The following MEP1A variants were observed in gnomAD, a reference collection of about 807,000 sequenced individuals.
The protein encoded by MEP1A is meprin A subunit alpha.
MEP1A carries 68 observed loss-of-function variants against 84.5 expected under a neutral mutation model. The ratio of observed to expected loss-of-function variants is 0.80; its 90% CI spans 0.66 to 0.98. The LOEUF (loss-of-function observed/expected upper bound fraction) is 0.98, where lower values mean the gene tolerates loss of function less well. Ranked by LOEUF, MEP1A falls within the 50% of genes least tolerant of loss-of-function variation. The pLI is 0.00. For missense variants in MEP1A, 887 were observed against 919.9 expected (o/e 0.96, Z 0.46); for synonymous variants, 337 against 336.8 (o/e 1.00, Z -0.01).
chr6:46,811,729 T>C (rs116642208), intron 6 of MEP1A, among the ~76,000 whole-genome samples: 116 of 152,186 alleles, frequency 7.6e-4, no homozygotes, highest in African/African-American at 2.5e-3. Flanking sequence ...ATTAAGATGA[T>C]TATGTGAATT....
At chr6:46,829,682 T>C (rs1768035876) in intron 10 of MEP1A, 111 bp downstream of exon 10, 5 of 758,146 alleles carry the variant, frequency 6.6e-6, no homozygotes, top group Non-Finnish European at 1.2e-5. Flanking sequence ...TCCTCCTCCT[T>C]TTCCTCCACC....
chr6:46,836,793 ATTTTTTT>A (rs71536390), intron 13 of MEP1A, among the ~76,000 whole-genome samples: 1 of 142,092 alleles, frequency 7.0e-6, no homozygotes, highest in South Asian at 2.2e-4. Flanking sequence ...CTGGTCAGGG[ATTTTTTT>A]TTTTTTTTTG....
At chr6:46,808,351 T>C (rs1767413196) in intron 5 of MEP1A, among the ~76,000 whole-genome samples, 1 of 152,080 alleles carries the variant, frequency 6.6e-6, no homozygotes, top group African/African-American at 2.4e-5. Flanking sequence ...TGATATGACA[T>C]TATATGACAT....
chr6:46,807,805 A>G (rs533256692), intron 5 of MEP1A, among the ~76,000 whole-genome samples: 25 of 148,964 alleles, frequency 1.7e-4, no homozygotes, highest in Non-Finnish European at 3.7e-4. Flanking sequence ...GAAAGAAAGA[A>G]AGAAAGAAAG....
chr6:46,802,197 C>T (rs528774371), intron 5 of MEP1A, among the ~76,000 whole-genome samples: 2 of 151,936 alleles, frequency 1.3e-5, no homozygotes, highest in East Asian at 3.9e-4. Context: ...AATATTGAGT[C>T]CTATAATCCA....
chr6:46,830,081 C>G (rs1050083863), intron 10 of MEP1A, among the ~76,000 whole-genome samples: 4 of 151,744 alleles, frequency 2.6e-5, no homozygotes, highest in African/African-American at 9.7e-5. Context: ...AACCCCGTCT[C>G]TACTAAAAAT....
At chr6:46,799,979 A>G (rs951850939) in intron 5 of MEP1A, among the ~76,000 whole-genome samples, 1 of 152,116 alleles carries the variant, frequency 6.6e-6, no homozygotes, top group Non-Finnish European at 1.5e-5. Flanking sequence ...CTCTCAGGAG[A>G]TGTAGATTAT....
chr6:46,838,172 C>T (rs1423457472), intron 13 of MEP1A, among the ~76,000 whole-genome samples: 3 of 151,728 alleles, frequency 2.0e-5, no homozygotes, highest in Admixed American at 6.6e-5. Context: ...GTATTACAGG[C>T]GTATGCCACC....
At chr6:46,828,188 G>T (rs1406074888) in intron 9 of MEP1A, among the ~76,000 whole-genome samples, 1 of 151,458 alleles carries the variant, frequency 6.6e-6, no homozygotes, top group South Asian at 2.1e-4. Context: ...ACCTGGGCAA[G>T]AATTCCTGAG....
chr6:46,817,857 AAG>A (rs893897649), intron 6 of MEP1A, among the ~76,000 whole-genome samples: 1 of 152,196 alleles, frequency 6.6e-6, no homozygotes, highest in Admixed American at 6.5e-5. Context: ...CAGATAATTT[AAG>A]AGAGGGAAAA....
intron 6 of MEP1A, 73 bp from the exon 7 acceptor site, chr6:46,819,456 G>A: frequency 8.0e-7 from 1 of 1,246,602 alleles, no homozygotes; most frequent in Non-Finnish European, 1.1e-6. Context: ...CCTAATTTGT[G>A]TTTTGGAGTA....
At position 46,825,423 on chromosome 6, in the gene MEP1A, C is replaced by A. The variant is rs1294639996; in HGVS notation, c.708C>A (p.Asn236Lys). The A allele has an allele frequency of 2.5e-6, 4 of 1,613,910 alleles. No homozygotes were observed. Among genetic ancestry groups the A allele is most frequent in the Non-Finnish European group, 3.4e-6 (4 of 1,179,868 alleles). The stretch of plus-strand genomic sequence containing the variant: ...TCACAGCCAAGATCCCTGAGTTTAA[C>A]TCCATTATCGGACAGCGCCTGGATT... ...PTITAKIPEF[N>K]SIIGQRLDFS... Residue 236 changes from asparagine (N) to lysine (K), a missense_variant, in exon 8 of 14, where the codon AAC becomes AAA. Asn to Lys is a moderately conservative substitution (Grantham distance 94). Transcript: ENST00000230588.
rs1366909378 is a variant in MEP1A, at chr6:46,829,396, C to T, written c.969C>T (p.Ser323=). 1.2e-6 allele frequency: 2 copies of T among 1,613,914 alleles called. No homozygotes were observed. The highest frequency in any genetic ancestry group is 8.5e-7 in the Non-Finnish European group (1 of 1,180,034). Residue 323 remains serine (S), a synonymous_variant, in exon 10 of 14, where the codon TCC becomes TCT. Coordinates refer to ENST00000230588, the MANE Select transcript of MEP1A (RefSeq NM_005588.3). The part of the protein sequence containing the change: ...YFMQFSTSSG[S]AEEAALLESR... ...TGCAGTTCAGCACCAGCTCGGGGTC[C>T]GCGGAAGAGGCAGCCCTACTGGAGT...
rs1183429804 is a variant in MEP1A, at chr6:46,833,299, C to T, written c.1370C>T (p.Pro457Leu). Residue 457 changes from proline (P) to leucine (L), a missense_variant, in exon 11 of 14, where the codon CCT becomes CTT. Physicochemically the swap from Pro to Leu is moderately conservative, Grantham distance 98. Coordinates refer to ENST00000230588, the MANE Select transcript of MEP1A (RefSeq NM_005588.3). The stretch of plus-strand genomic sequence containing the variant: ...AGCAAAGGGGACAAGCTTCAGAGCC[C>T]TCGATTCTACAATTCGGAGGGATAT... Reference protein sequence around the residue: ...NTSKGDKLQSPRFYNSEGYGF... With the variant: ...NTSKGDKLQSLRFYNSEGYGF... The T allele has an allele frequency of 6.2e-7, 1 of 1,614,202 alleles. No homozygotes were observed. Among genetic ancestry groups the T allele is most frequent in the African/African-American group, 1.3e-5 (1 of 75,042 alleles).
intron 7 of MEP1A, among the ~76,000 whole-genome samples, chr6:46,824,143 T>C (rs1581681392): frequency 6.6e-6 from 1 of 152,294 alleles, no homozygotes; most frequent in East Asian, 1.9e-4. Context: ...GAACGATGTG[T>C]CTTGAACATA....
At position 46,839,063 on chromosome 6, in the gene MEP1A, T is replaced by C; in HGVS notation, c.2168T>C (p.Ile723Thr). 6.2e-7 allele frequency: 1 copy of C among 1,613,824 alleles called. No individual in the cohort carries two copies. The highest frequency in any genetic ancestry group is 8.5e-7 in the Non-Finnish European group (1 of 1,179,832). Reference sequence around the variant, plus strand: ...CACGGCAGTGTCCTGGGCATGGTGATCGGAGGCACGGCTGGCGTGATCTTC... The same window carrying C: ...CACGGCAGTGTCCTGGGCATGGTGACCGGAGGCACGGCTGGCGTGATCTTC... ...QVHGSVLGMVIGGTAGVIFLT... is the reference protein window; with the variant it reads ...QVHGSVLGMVTGGTAGVIFLT... Residue 723 changes from isoleucine (I) to threonine (T), a missense_variant, in exon 14 of 14, where the codon ATC becomes ACC. Coordinates refer to ENST00000230588, the MANE Select transcript of MEP1A (RefSeq NM_005588.3).
At chr6:46,843,670 C>G (rs956482840), downstream of MEP1A, among the ~76,000 whole-genome samples, 1 of 152,172 alleles carries the variant, frequency 6.6e-6, no homozygotes. Flanking sequence ...TGGATTTAGT[C>G]CCCCTGCAGG....
At chr6:46,801,541 A>G (rs1189338511) in intron 5 of MEP1A, among the ~76,000 whole-genome samples, 1 of 151,864 alleles carries the variant, frequency 6.6e-6, no homozygotes, top group Non-Finnish European at 1.5e-5. Context: ...TATTATAAAT[A>G]TTTTCTGTTA....
chr6:46,821,721 A>T (rs1394184543), intron 7 of MEP1A, among the ~76,000 whole-genome samples: 1 of 152,212 alleles, frequency 6.6e-6, no homozygotes, highest in African/African-American at 2.4e-5. Context: ...GGTTCCCTTT[A>T]TCGGAGTGAG....
Sources: allele counts gnomAD v4.1 joint callset (sites outside exome capture counted in the v4.1 genomes callset), GRCh38; gene constraint gnomAD v4.1.1; transcripts MANE v1.5; gene names NCBI Gene and HGNC (gene_info 2026-07-23, HGNC 2026-07-21).